Variants in LAMC3 observed in about 807,000 individuals in gnomAD.
LAMC3 encodes laminin subunit gamma 3, also known as laminin subunit gamma-3.
Under a neutral mutation model 173.8 loss-of-function variants are expected in LAMC3, and 128 were observed. The ratio of observed to expected loss-of-function variants is 0.74; its 90% CI spans 0.64 to 0.85. The LOEUF (loss-of-function observed/expected upper bound fraction) is 0.85, where lower values mean the gene tolerates loss of function less well. Ranked by LOEUF, LAMC3 falls within the 40% of genes least tolerant of loss-of-function variation. The probability of loss-of-function intolerance (pLI) is 0.00; values close to 1 mark genes in which losing one functional copy is unlikely to be tolerated. For synonymous variants in LAMC3, 897 were observed against 909.1 expected (o/e 0.99, Z 0.24); for missense variants, 2,022 against 2,156.0 (o/e 0.94, Z 1.23).
intron 2 of LAMC3, among the ~76,000 whole-genome samples, chr9:131,027,101 C>T (rs981160711): frequency 4.6e-5 from 7 of 152,222 alleles, no homozygotes; most frequent in South Asian, 2.1e-4. Flanking sequence ...AGAAGGAAGA[C>T]GGGCTACTCA....
Position 131,072,833 on chromosome 9 carries a change from C to T in LAMC3, c.3415C>T (p.Leu1139=). 1 of 1,609,942 alleles carries T rather than the reference C, an allele frequency of 6.2e-7. No homozygotes were observed. The highest frequency in any genetic ancestry group is 8.5e-7 in the Non-Finnish European group (1 of 1,178,266). ...ILHAAAILAS[L]EIPQEGPSQP... ...GCATGCAGCTGCCATTCTCGCGTCT[C>T]TGGTATCCCAGGGGACCCCCCTACC... Residue 1139 remains leucine (L), a splice_region_variant and synonymous_variant, in exon 19 of 28, where the codon CTG becomes TTG. Coordinates refer to ENST00000361069, the MANE Select transcript of LAMC3 (RefSeq NM_006059.4).
At chr9:131,030,045 A>G (rs960735682) in intron 2 of LAMC3, among the ~76,000 whole-genome samples, 2 of 151,932 alleles carry the variant, frequency 1.3e-5, no homozygotes, top group African/African-American at 4.8e-5. Flanking sequence ...GGTTCAAGCA[A>G]TTCTCTTGCC....
chr9:131,049,258 A>G, intron 9 of LAMC3, 128 bp downstream of exon 9: 1 of 715,608 alleles, frequency 1.4e-6, no homozygotes, highest in Admixed American at 2.0e-5. Flanking sequence ...GAAGTCAGAA[A>G]TAGGTCTCTC....
intron 3 of LAMC3, among the ~76,000 whole-genome samples, chr9:131,034,266 C>T (rs1833901577): frequency 6.6e-6 from 1 of 152,222 alleles, no homozygotes; most frequent in Non-Finnish European, 1.5e-5. Flanking sequence ...GCACCCCCTC[C>T]AAGGCAGGGG....
Position 131,026,115 on chromosome 9 carries a change from G to T in LAMC3, c.374-170G>T, listed in dbSNP as rs914363862. On this transcript the variant is annotated intron_variant, in intron 1 of 27. Coordinates refer to ENST00000361069, the MANE Select transcript of LAMC3 (RefSeq NM_006059.4). The surrounding 1 kb of genome is among the most constrained non-coding windows in gnomAD (Gnocchi z 4.8). ...GCATGTGGGCATTGTCCTTTCCAGT[G>T]CCCCAGCAGGCATCATGAATGGAGG... is the stretch of plus-strand genomic sequence containing the variant. 6.6e-6 allele frequency among the ~76,000 whole-genome samples: 1 copy of T among 152,194 alleles called. No individual in the cohort carries two copies. The highest frequency in any genetic ancestry group is 1.5e-5 in the Non-Finnish European group (1 of 68,036).
In LAMC3 at chr9:131,052,773, G is replaced by A. The variant is rs564061796; in HGVS notation, c.1824-77G>A. ...CATTTCAGATGCCCCTGTAGTCTGG[G>A]GGGCTACCCCCCATCCCCAGGCATG... On this transcript the variant is annotated intron_variant, in intron 10 of 27. Coordinates refer to ENST00000361069, the MANE Select transcript of LAMC3 (RefSeq NM_006059.4). 4.0e-5 allele frequency: 56 copies of A among 1,387,880 alleles called. 1 individual carries two copies. The South Asian group carries it at 5.9e-4, about 15-fold the overall frequency. The allele number at this position is 1,387,880 out of a possible 1,614,324, so 86.0% of individuals were successfully genotyped here. A position where few individuals can be genotyped will look rare whatever the true frequency, so the allele number is the denominator to read the frequency against.
intron 13 of LAMC3, among the ~76,000 whole-genome samples, chr9:131,063,254 C>T (rs1303126664): frequency 2.6e-5 from 4 of 152,204 alleles, no homozygotes; most frequent in Non-Finnish European, 5.9e-5. Context: ...CCCCACTGGC[C>T]GCCATGCTGT....
At position 131,009,563 on chromosome 9, in the gene LAMC3, T is replaced by A; in HGVS notation, c.349T>A (p.Ser117Thr). The A allele has an allele frequency of 6.4e-7, 1 of 1,571,586 alleles. No homozygotes were observed. Among genetic ancestry groups the A allele is most frequent in the Non-Finnish European group, 8.6e-7 (1 of 1,159,456 alleles). ...GGCCTTCGGCGTGCAGTACCCCACC[T>A]CGGTCAACATCACCCTCCGCCTAGG... ...SMAFGVQYPTSVNITLRLGKA... is the reference protein window; with the variant it reads ...SMAFGVQYPTTVNITLRLGKA... The change falls in exon 1 of 28, where the codon TCG (serine) becomes ACG (threonine). Residue 117 changes from serine to threonine, a missense_variant. Ser to Thr is a moderately conservative substitution (Grantham distance 58). Coordinates refer to ENST00000361069, the MANE Select transcript of LAMC3 (RefSeq NM_006059.4). This position sits in a 1 kb window ranked among gnomAD's most constrained non-coding sequence, Gnocchi z 4.3.
At chr9:131,036,435 GC>G (rs1833947099) in intron 4 of LAMC3, 103 bp downstream of exon 4, 1 of 1,286,896 alleles carries the variant, frequency 7.8e-7, no homozygotes, top group African/African-American at 1.4e-5. Context: ...TCCTGGGTAC[GC>G]CCCGGGGGCA....
intron 11 of LAMC3, 57 bp downstream of exon 11, chr9:131,053,022 G>T: frequency 7.6e-7 from 1 of 1,314,906 alleles, no homozygotes; most frequent in East Asian, 2.3e-5. Flanking sequence ...CTCAGAACTG[G>T]GCTGGGCTCC....
At chr9:131,032,287 A>C in intron 3 of LAMC3, 112 bp downstream of exon 3, 17 of 542,762 alleles carry the variant, frequency 3.1e-5, no homozygotes, top group Non-Finnish European at 4.1e-5. Context: ...GGTGTGCCCC[A>C]GGGGAGAGGG....
At chr9:131,014,444 C>T (rs1833482768) in intron 1 of LAMC3, among the ~76,000 whole-genome samples, 1 of 152,258 alleles carries the variant, frequency 6.6e-6, no homozygotes, top group African/African-American at 2.4e-5. Context: ...ACCCCTCACC[C>T]CTCTAAGGTT....
chr9:131,063,106 G>C (rs1829862159), intron 13 of LAMC3, among the ~76,000 whole-genome samples: 1 of 152,180 alleles, frequency 6.6e-6, no homozygotes, highest in Non-Finnish European at 1.5e-5. Flanking sequence ...AAATCAATTT[G>C]TCAAATGCCA....
At chr9:131,011,189 T>G (rs1833409829) in intron 1 of LAMC3, among the ~76,000 whole-genome samples, 1 of 152,202 alleles carries the variant, frequency 6.6e-6, no homozygotes, top group Admixed American at 6.5e-5. Context: ...ATTAGCACAA[T>G]ATATGGTATA....
At chr9:131,073,448 G>T in intron 20 of LAMC3, 127 bp downstream of exon 20, 3 of 751,510 alleles carry the variant, frequency 4.0e-6, no homozygotes, top group Non-Finnish European at 7.0e-6. Flanking sequence ...TCTGATGGAG[G>T]CAGTGTCACC....
intron 11 of LAMC3, 43 bp downstream of exon 11, chr9:131,053,008 A>G: frequency 7.0e-7 from 1 of 1,433,980 alleles, no homozygotes. Context: ...AGTGCTTGCC[A>G]GGTCTCAGAA....
intron 2 of LAMC3, among the ~76,000 whole-genome samples, chr9:131,028,381 C>T (rs2133229865): frequency 6.6e-6 from 1 of 152,334 alleles, no homozygotes; most frequent in African/African-American, 2.4e-5. Flanking sequence ...GGAACCTGCC[C>T]TCTCCTCCCC....
chr9:131,039,103 C>T, intron 5 of LAMC3, 28 bp from the exon 6 acceptor site: 2 of 1,611,876 alleles, frequency 1.2e-6, no homozygotes, highest in African/African-American at 1.3e-5. Flanking sequence ...TTCCTGGCCT[C>T]AATTGCCCTG....
Position 131,032,188 on chromosome 9 carries a change from A to G in LAMC3, c.809+13A>G. The G allele has an allele frequency of 6.9e-7, 1 of 1,444,116 alleles. No individual in the cohort carries two copies. The highest frequency in any genetic ancestry group is 1.1e-5 in the South Asian group (1 of 88,780). 89.5% of individuals were successfully genotyped at this position (1,444,116 alleles called of 1,614,324 possible). A position where few individuals can be genotyped will look rare whatever the true frequency, so the allele number is the denominator to read the frequency against. On this transcript the variant is annotated intron_variant, in intron 3 of 27. Transcript: ENST00000361069. ...CTGTGGGCGGCAGGTAGGAGGGAGGAGGGAGGCAGGGTGGCAGGGCTCCAG... is the reference window on the plus strand; with the variant it reads ...CTGTGGGCGGCAGGTAGGAGGGAGGGGGGAGGCAGGGTGGCAGGGCTCCAG...
Sources: gnomAD v4.1 joint callset for allele counts (sites outside exome capture counted in the v4.1 genomes callset) on GRCh38, gnomAD v4.1.1 for gene constraint, Gnocchi (gnomAD v3.1) non-coding constraint, MANE v1.5 for transcripts, NCBI Gene and HGNC (gene_info 2026-07-23, HGNC 2026-07-21) for gene names.